Variants in NCAPH observed in about 807,000 individuals in gnomAD.
The protein encoded by NCAPH is condensin complex subunit 2.
Under a neutral mutation model 85.5 loss-of-function variants are expected in NCAPH, and 38 were observed. The observed-to-expected ratio is 0.44, with a 90% CI of 0.34 to 0.58. NCAPH has a LOEUF of 0.58. Among genes scored for constraint, NCAPH ranks in the 20% least tolerant of loss-of-function variants. NCAPH has a pLI of 0.01. For missense variants in NCAPH, 789 were observed against 916.6 expected, an observed-to-expected ratio of 0.86 and a Z score of 1.80; for synonymous variants, 301 against 335.1, an observed-to-expected ratio of 0.90 and a Z score of 1.11.
chr2:96,358,636 T>G (rs1216589622), intron 9 of NCAPH, among the ~76,000 whole-genome samples: 1 of 151,982 alleles, frequency 6.6e-6, no homozygotes, highest in Non-Finnish European at 1.5e-5. Flanking sequence ...GCCCGGCTAA[T>G]TTTTTGTATT....
At chr2:96,349,905 C>T (rs1300495303) in intron 6 of NCAPH, among the ~76,000 whole-genome samples, 1 of 152,158 alleles carries the variant, frequency 6.6e-6, no homozygotes, top group Admixed American at 6.5e-5. Context: ...GTTGGTAGGG[C>T]TCAGAGTTTA....
At chr2:96,368,947 C>A in intron 15 of NCAPH, 25 bp from the exon 16 acceptor site, 2 of 1,549,580 alleles carry the variant, frequency 1.3e-6, no homozygotes, top group Non-Finnish European at 1.7e-6. Context: ...CCTAACTGTC[C>A]GATGTATAAA....
intron 12 of NCAPH, among the ~76,000 whole-genome samples, chr2:96,363,223 A>G (rs1024049157): frequency 2.2e-4 from 34 of 152,300 alleles, no homozygotes; most frequent in African/African-American, 7.7e-4. Context: ...AGGTATGTAA[A>G]TTGTTTTTTA....
In NCAPH at chr2:96,354,323, C is replaced by T; in HGVS notation, c.1143C>T (p.His381=). 6.2e-7 allele frequency: 1 copy of T among 1,614,002 alleles called. No homozygotes were observed. The highest frequency in any genetic ancestry group is 8.5e-7 in the Non-Finnish European group (1 of 1,179,958). ...DDFDANDEPD[H]TAVGDHEEFR... is the part of the protein sequence containing the mutation. ...TTGATGCCAACGATGAACCTGACCACACCGCAGTTGGGGATCATGAAGAGT... is the reference window on the plus strand; with the variant it reads ...TTGATGCCAACGATGAACCTGACCATACCGCAGTTGGGGATCATGAAGAGT... The change falls in exon 9 of 18, where the codon CAC becomes CAT. Residue 381 remains histidine (H), a synonymous_variant. Coordinates refer to ENST00000240423, the MANE Select transcript of NCAPH (RefSeq NM_015341.5).
chr2:96,365,750 A>G lies in NCAPH; in HGVS notation c.1699-126A>G, dbSNP rs571148038. 1.1e-4 allele frequency: 97 copies of G among 911,002 alleles called. No individual in the cohort carries two copies. The South Asian group carries it at 1.1e-3, about 10-fold the overall frequency. The allele number at this position is 911,002 out of a possible 1,614,324, so 56.4% of individuals were successfully genotyped here. ...CTAGAGGCACCTAGAAGTTCATCGTAGTGTAACTCACTGAGTGAACCATCA... is the reference window on the plus strand; with the variant it reads ...CTAGAGGCACCTAGAAGTTCATCGTGGTGTAACTCACTGAGTGAACCATCA... On this transcript the variant is annotated intron_variant, in intron 13 of 17. Coordinates refer to ENST00000240423, the MANE Select transcript of NCAPH (RefSeq NM_015341.5).
intron 9 of NCAPH, among the ~76,000 whole-genome samples, chr2:96,357,791 T>C (rs1467291288): frequency 1.3e-5 from 2 of 152,208 alleles, no homozygotes; most frequent in African/African-American, 4.8e-5. Context: ...AAATCCCCTT[T>C]TAAAAGCCTT....
intron 13 of NCAPH, among the ~76,000 whole-genome samples, chr2:96,364,878 G>C (rs2064673650): frequency 6.6e-6 from 1 of 152,182 alleles, no homozygotes; most frequent in African/African-American, 2.4e-5. Flanking sequence ...CTGCTACAAA[G>C]TACTAATCTT....
At chr2:96,356,732 G>A (rs1045657642) in intron 9 of NCAPH, among the ~76,000 whole-genome samples, 18 of 152,094 alleles carry the variant, frequency 1.2e-4, no homozygotes, top group Admixed American at 2.0e-4. Context: ...TACCATCCCC[G>A]GGTGATTGTG....
chr2:96,371,439 G>A (rs750089466), intron 17 of NCAPH, among the ~76,000 whole-genome samples: 2 of 152,164 alleles, frequency 1.3e-5, no homozygotes, highest in Non-Finnish European at 2.9e-5. Flanking sequence ...CGGCTTCATG[G>A]CCCTCACTTG....
intron 1 of NCAPH, among the ~76,000 whole-genome samples, chr2:96,337,441 A>G (rs2064228242): frequency 6.6e-6 from 1 of 152,000 alleles, no homozygotes; most frequent in African/African-American, 2.4e-5. Context: ...TTTTTTTGAG[A>G]CGGAGTCTCG....
Position 96,357,636 on chromosome 2 carries a change from T to C in NCAPH, c.1209-1409T>C, listed in dbSNP as rs78211577. 8.0e-3 allele frequency among the ~76,000 whole-genome samples: 1,219 copies of C among 152,344 alleles called. 10 individuals are homozygous for C. Among genetic ancestry groups the C allele is most frequent in the Non-Finnish European group, 0.011 (776 of 68,024 alleles). On this transcript the variant is annotated intron_variant, in intron 9 of 17. Coordinates refer to ENST00000240423, the MANE Select transcript of NCAPH (RefSeq NM_015341.5). The stretch of plus-strand genomic sequence containing the variant: ...ACTTAATAACATGCTAGGTATCAGA[T>C]TCTGTTACAGCACTAGGCCATACAG...
chr2:96,342,610 T>C (rs1340821225), intron 3 of NCAPH, 146 bp from the exon 4 acceptor site: 1 of 693,870 alleles, frequency 1.4e-6, no homozygotes, highest in Non-Finnish European at 2.5e-6. Context: ...AGGATTTGGC[T>C]CTTGACAAGT....
At chr2:96,341,602 T>C (rs1291122145) in intron 1 of NCAPH, 40 bp from the exon 2 acceptor site, 1 of 1,591,482 alleles carries the variant, frequency 6.3e-7, no homozygotes, top group Non-Finnish European at 8.6e-7. Context: ...ATATAGGAAA[T>C]GTTCTCTTGA....
At chr2:96,366,777 T>C (rs969469736) in intron 14 of NCAPH, among the ~76,000 whole-genome samples, 7 of 147,574 alleles carry the variant, frequency 4.7e-5, no homozygotes, top group Admixed American at 7.0e-5. Context: ...TTCTAGAGGC[T>C]GAGGCAGGAG....
chr2:96,358,964 C>A, intron 9 of NCAPH, 81 bp from the exon 10 acceptor site: 3 of 1,372,834 alleles, frequency 2.2e-6, no homozygotes, highest in Non-Finnish European at 2.0e-6. Flanking sequence ...AGAAATGCAG[C>A]TCATTTGCGG....
At chr2:96,341,496 A>C in intron 1 of NCAPH, 146 bp from the exon 2 acceptor site, 1 of 1,102,290 alleles carries the variant, frequency 9.1e-7, no homozygotes, top group Non-Finnish European at 1.3e-6. Flanking sequence ...CCCAAACTCT[A>C]GAGGTTCTAG....
At chr2:96,348,351 G>A (rs112318107) in intron 6 of NCAPH, among the ~76,000 whole-genome samples, 3 of 151,734 alleles carry the variant, frequency 2.0e-5, no homozygotes, top group Non-Finnish European at 4.4e-5. Context: ...CACCATGCCC[G>A]GCTAATTTTT....
chr2:96,360,747 T>C, intron 12 of NCAPH, 37 bp downstream of exon 12: 1 of 1,612,224 alleles, frequency 6.2e-7, no homozygotes, highest in Admixed American at 1.7e-5. Flanking sequence ...GCACACAAGG[T>C]ATCAAGTGGC....
At chr2:96,336,161 G>C (rs201254015) in intron 1 of NCAPH, among the ~76,000 whole-genome samples, 1 of 152,194 alleles carries the variant, frequency 6.6e-6, no homozygotes, top group East Asian at 1.9e-4. Context: ...AGCGTGCTCG[G>C]TGTCTCTCCA....
Sources: allele counts gnomAD v4.1 joint callset (sites outside exome capture counted in the v4.1 genomes callset), GRCh38; gene constraint gnomAD v4.1.1; transcripts MANE v1.5; gene names NCBI Gene and HGNC (gene_info 2026-07-23, HGNC 2026-07-21).